Variants in CDH6 observed in about 807,000 individuals in gnomAD.
CDH6 encodes cadherin-6.
Under a neutral mutation model 78.0 loss-of-function variants are expected in CDH6, and 31 were observed. The observed-to-expected ratio is 0.40, with a 90% CI of 0.30 to 0.54. The LOEUF (loss-of-function observed/expected upper bound fraction) is 0.54, where lower values mean the gene tolerates loss of function less well. Ranked by LOEUF, CDH6 falls within the 20% of genes least tolerant of loss-of-function variation. CDH6 has a pLI of 0.56. For synonymous variants in CDH6, 376 were observed against 368.8 expected, an observed-to-expected ratio of 1.02 and a Z score of -0.23; for missense variants, 724 against 975.9, an observed-to-expected ratio of 0.74 and a Z score of 3.44.
chr5:31,194,809 G>T (rs1740118010), intron 1 of CDH6, among the ~76,000 whole-genome samples: 1 of 152,112 alleles, frequency 6.6e-6, no homozygotes, highest in South Asian at 2.1e-4. Flanking sequence ...GCAATGTTGT[G>T]GACTGCAGCA....
intron 2 of CDH6, among the ~76,000 whole-genome samples, chr5:31,273,039 T>C (rs531844799): frequency 6.6e-6 from 1 of 152,182 alleles, no homozygotes; most frequent in African/African-American, 2.4e-5. Flanking sequence ...CTTCTCAAGA[T>C]AATTAAACAG....
intron 6 of CDH6, among the ~76,000 whole-genome samples, chr5:31,302,779 A>AG (rs1491475058): frequency 7.7e-4 from 44 of 57,506 alleles, no homozygotes; most frequent in Admixed American, 1.6e-3. Flanking sequence ...GAAAGAAGAA[A>AG]GAGAGAGAGA....
intron 1 of CDH6, among the ~76,000 whole-genome samples, chr5:31,208,447 A>G (rs888024480): frequency 7.2e-5 from 11 of 152,170 alleles, no homozygotes; most frequent in African/African-American, 2.7e-4. Flanking sequence ...TCTTCTACCA[A>G]CAGGTACCTT....
At chr5:31,291,757 C>A (rs1196397374) in intron 2 of CDH6, among the ~76,000 whole-genome samples, 2 of 152,180 alleles carry the variant, frequency 1.3e-5, no homozygotes, top group South Asian at 4.1e-4. Context: ...TTAAACTTTC[C>A]CCAGTGGCTC....
intron 2 of CDH6, among the ~76,000 whole-genome samples, chr5:31,284,727 A>C (rs570738268): frequency 6.6e-6 from 1 of 152,340 alleles, no homozygotes; most frequent in Admixed American, 6.5e-5. Flanking sequence ...CTGGAGAGCA[A>C]AGGTCATGAT....
At chr5:31,235,540 T>C (rs138327151) in intron 1 of CDH6, among the ~76,000 whole-genome samples, 1 of 152,350 alleles carries the variant, frequency 6.6e-6, no homozygotes, top group African/African-American at 2.4e-5. Flanking sequence ...ACTCATACAA[T>C]TTCTCTGCAA....
At chr5:31,225,007 T>A (rs1291437769) in intron 1 of CDH6, among the ~76,000 whole-genome samples, 1 of 152,246 alleles carries the variant, frequency 6.6e-6, no homozygotes, top group African/African-American at 2.4e-5. Flanking sequence ...GAGGCATCTC[T>A]GACTGTTACA....
At chr5:31,305,567 G>A (rs767661002) in intron 7 of CDH6, 140 bp downstream of exon 7, 3 of 830,248 alleles carry the variant, frequency 3.6e-6, no homozygotes, top group Non-Finnish European at 5.6e-6. Flanking sequence ...ATTCTAAACA[G>A]CACCTTTAAC....
chr5:31,271,471 G>A (rs753268163), intron 2 of CDH6, among the ~76,000 whole-genome samples: 3 of 152,106 alleles, frequency 2.0e-5, no homozygotes, highest in Non-Finnish European at 4.4e-5. Context: ...GCAGAGACAC[G>A]GACAAGACAA....
At chr5:31,302,964 A>AAG (rs1554010075) in intron 6 of CDH6, among the ~76,000 whole-genome samples, 22 of 111,752 alleles carry the variant, frequency 2.0e-4, no homozygotes, top group Non-Finnish European at 2.9e-4. Context: ...AGAAGGAAAG[A>AAG]AAAGAAAGAA....
intron 1 of CDH6, chr5:31,250,902 C>T (rs1741890778): frequency 6.6e-6 from 1 of 152,398 alleles, no homozygotes; most frequent in East Asian, 1.9e-4. Context: ...CAGAAAAAGA[C>T]ACAAGCCTGC....
chr5:31,269,095 T>C (rs1742446177), intron 2 of CDH6, among the ~76,000 whole-genome samples: 1 of 152,162 alleles, frequency 6.6e-6, no homozygotes, highest in Non-Finnish European at 1.5e-5. Flanking sequence ...TTGTAAAAAA[T>C]AATCATCATC....
At chr5:31,269,844 CCTT>C (rs1448796076) in intron 2 of CDH6, among the ~76,000 whole-genome samples, 1 of 152,124 alleles carries the variant, frequency 6.6e-6, no homozygotes. Context: ...TGCTGCCCCT[CCTT>C]CTCCTCCTTG....
intron 1 of CDH6, among the ~76,000 whole-genome samples, chr5:31,207,532 A>G (rs1295268272): frequency 6.6e-6 from 1 of 152,190 alleles, no homozygotes; most frequent in Non-Finnish European, 1.5e-5. Flanking sequence ...GCGTAACTGT[A>G]AAAACATCTT....
chr5:31,292,284 G>A (rs1737394823), intron 2 of CDH6, among the ~76,000 whole-genome samples: 1 of 152,126 alleles, frequency 6.6e-6, no homozygotes, highest in South Asian at 2.1e-4. Context: ...AAATTACACA[G>A]AATCAAATGT....
At position 31,294,807 on chromosome 5, in the gene CDH6, C is replaced by T. The variant is rs1407139206; in HGVS notation, c.523+551C>T. ...GGTGGAAATGAAAAGACTTTCATAA[C>T]ATACATAGAGTGAATTAATATTTTT... is the stretch of plus-strand genomic sequence containing the variant. On this transcript the variant is annotated intron_variant, in intron 3 of 11. Transcript: ENST00000265071. This position sits in a 1 kb window ranked among gnomAD's most constrained non-coding sequence, Gnocchi z 4.1. Among the ~76,000 whole-genome samples the T allele has an allele frequency of 6.6e-6, 1 of 152,116 alleles. No homozygotes were observed. Among genetic ancestry groups the T allele is most frequent in the Non-Finnish European group, 1.5e-5 (1 of 68,020 alleles).
chr5:31,294,116 C>T lies in CDH6; in HGVS notation c.383C>T (p.Ala128Val). The change falls in exon 3 of 12, where the codon GCT becomes GTT. Residue 128 changes from alanine to valine, a missense_variant. By Grantham distance (64) the Ala-to-Val change is moderately conservative. Around this residue, in one of 3 missense-constraint regions of CDH6, gnomAD observed 446 missense variants for 684.5 expected, o/e 0.65. Coordinates refer to ENST00000265071, the MANE Select transcript of CDH6 (RefSeq NM_004932.4). The surrounding 1 kb of genome is among the most constrained non-coding windows in gnomAD (Gnocchi z 4.1). ...GAAAAACCCGTTTACATCCTTCGAG[C>T]TCAAGCTATAAACAGAAGGACAGGG... The part of the protein sequence containing the change: ...REEKPVYILR[A>V]QAINRRTGRP... The T allele has an allele frequency of 6.2e-7, 1 of 1,613,834 alleles. No individual in the cohort carries two copies. Among genetic ancestry groups the T allele is most frequent in the Non-Finnish European group, 8.5e-7 (1 of 1,179,902 alleles).
At chr5:31,255,174 C>A (rs1742022862) in intron 1 of CDH6, among the ~76,000 whole-genome samples, 2 of 152,314 alleles carry the variant, frequency 1.3e-5, no homozygotes, top group African/African-American at 2.4e-5. Context: ...CATCAAGCAA[C>A]AATGAGCAAT....
chr5:31,235,590 G>A (rs1027509580), intron 1 of CDH6, among the ~76,000 whole-genome samples: 3 of 152,166 alleles, frequency 2.0e-5, no homozygotes, highest in African/African-American at 7.2e-5. Flanking sequence ...CGAATGTTAT[G>A]CATGACTTAC....
Sources: allele counts gnomAD v4.1 joint callset (sites outside exome capture counted in the v4.1 genomes callset), GRCh38; gene constraint gnomAD v4.1.1; regional missense constraint gnomAD v4.1.1; non-coding constraint Gnocchi (gnomAD v3.1); transcripts MANE v1.5; gene names NCBI Gene and HGNC (gene_info 2026-07-23, HGNC 2026-07-21).